SGCZ: variants seen among roughly 807,000 people sequenced by gnomAD.
The protein encoded by SGCZ is sarcoglycan zeta.
SGCZ carries 40 observed loss-of-function variants against 41.3 expected under a neutral mutation model. That is an observed-to-expected ratio of 0.97 (90% CI 0.75 to 1.26). The LOEUF (loss-of-function observed/expected upper bound fraction) is 1.26. SGCZ is among the 50% of genes most tolerant of loss of function. SGCZ has a pLI of 0.00. For missense variants in SGCZ, 552 were observed against 369.8 expected (o/e 1.49, Z -4.04); for synonymous variants, 206 against 137.5 (o/e 1.50, Z -3.49).
chr8:14,532,245 G>GA (rs34660083), intron 2 of SGCZ, among the ~76,000 whole-genome samples: 5 of 151,214 alleles, frequency 3.3e-5, no homozygotes, highest in Admixed American at 6.6e-5. Context: ...CCCAGAATCT[G>GA]AAAAAAAAAT....
chr8:14,389,558 T>A (rs1015707701), intron 2 of SGCZ, among the ~76,000 whole-genome samples: 2 of 151,260 alleles, frequency 1.3e-5, no homozygotes, highest in South Asian at 2.1e-4. Context: ...ACGGAATGTA[T>A]CAAACCTGAA....
chr8:14,901,396 T>G (rs1447695991), intron 1 of SGCZ, among the ~76,000 whole-genome samples: 1 of 152,182 alleles, frequency 6.6e-6, no homozygotes, highest in East Asian at 1.9e-4. Context: ...AGTTTGGACC[T>G]GGCCAATGTA....
intron 1 of SGCZ, among the ~76,000 whole-genome samples, chr8:15,159,597 T>C (rs1447412679): frequency 6.6e-6 from 1 of 152,128 alleles, no homozygotes; most frequent in East Asian, 1.9e-4. Flanking sequence ...GCTTGCCTGG[T>C]GTGTGGGCAA....
chr8:14,253,780 A>G (rs1362919218), intron 3 of SGCZ, among the ~76,000 whole-genome samples: 1 of 152,148 alleles, frequency 6.6e-6, no homozygotes, highest in Non-Finnish European at 1.5e-5. Context: ...AAAACAGTAG[A>G]AACAACTAGA....
chr8:14,354,442 G>C (rs1803217637), intron 2 of SGCZ, among the ~76,000 whole-genome samples: 1 of 151,472 alleles, frequency 6.6e-6, no homozygotes, highest in African/African-American at 2.4e-5. Flanking sequence ...AGGAAAAGTG[G>C]GTAAAATACA....
chr8:14,899,810 T>C (rs1232345149), intron 1 of SGCZ, among the ~76,000 whole-genome samples: 1 of 146,496 alleles, frequency 6.8e-6, no homozygotes, highest in Non-Finnish European at 1.5e-5. Context: ...GGGAGAAAAG[T>C]GAAAAGAAAG....
intron 3 of SGCZ, among the ~76,000 whole-genome samples, chr8:14,262,280 T>C (rs889032905): frequency 1.3e-5 from 2 of 152,188 alleles, no homozygotes; most frequent in African/African-American, 4.8e-5. Flanking sequence ...CACGTTTTAA[T>C]AGGTAAACTG....
intron 1 of SGCZ, among the ~76,000 whole-genome samples, chr8:14,685,367 T>C (rs1808579590): frequency 6.6e-6 from 1 of 152,142 alleles, no homozygotes; most frequent in Admixed American, 6.6e-5. Context: ...GAAGTCTAGC[T>C]TGAGCTATTA....
chr8:15,134,115 A>G (rs1296112520), intron 1 of SGCZ, among the ~76,000 whole-genome samples: 2 of 152,154 alleles, frequency 1.3e-5, no homozygotes, highest in Admixed American at 6.5e-5. Flanking sequence ...TTATAAGGCT[A>G]TTTAATAAAT....
chr8:14,203,567 C>T (rs1805524031), intron 4 of SGCZ, among the ~76,000 whole-genome samples: 1 of 151,826 alleles, frequency 6.6e-6, no homozygotes, highest in South Asian at 2.1e-4. Flanking sequence ...ATTTTCTTGC[C>T]AGAGTTTGAG....
At chr8:14,630,288 G>A (rs1297455896) in intron 1 of SGCZ, among the ~76,000 whole-genome samples, 1 of 151,160 alleles carries the variant, frequency 6.6e-6, no homozygotes, top group Non-Finnish European at 1.5e-5. Context: ...TGTCTGCTCT[G>A]TGGAAAAATG....
intron 7 of SGCZ, among the ~76,000 whole-genome samples, chr8:14,096,130 C>T (rs1801838507): frequency 6.6e-6 from 1 of 152,144 alleles, no homozygotes; most frequent in Non-Finnish European, 1.5e-5. Flanking sequence ...GCCAGATCTT[C>T]CAATACTATG....
chr8:14,866,952 T>C (rs1250554781), intron 1 of SGCZ, among the ~76,000 whole-genome samples: 1 of 152,126 alleles, frequency 6.6e-6, no homozygotes, highest in Non-Finnish European at 1.5e-5. Context: ...GTTTTGTTTG[T>C]TTGTTTTGTT....
chr8:14,808,967 A>C (rs1801648273), intron 1 of SGCZ, among the ~76,000 whole-genome samples: 3 of 151,270 alleles, frequency 2.0e-5, no homozygotes, highest in Non-Finnish European at 4.4e-5. Context: ...ATTCTCAGTA[A>C]ACTATCGCAA....
At chr8:15,107,158 T>C (rs951547608) in intron 1 of SGCZ, among the ~76,000 whole-genome samples, 36 of 152,290 alleles carry the variant, frequency 2.4e-4, no homozygotes, top group African/African-American at 7.7e-4. Context: ...TAGTTTGTCA[T>C]TTTATGTCAA....
rs1801526097 is a variant in SGCZ at position 14,086,482 on chromosome 8, A to G, written c.*3961T>C. ...AATATGTAGGAATTTTGAATGGAAT[A>G]AAACAGTTCAGCAATTAACCTCTGT... On this transcript the variant is annotated 3_prime_UTR_variant, in exon 8 of 8. Transcript: ENST00000382080. 6.6e-6 allele frequency among the ~76,000 whole-genome samples: 1 copy of G among 151,732 alleles called. No individual in the cohort carries two copies. The highest frequency in any genetic ancestry group is 2.4e-5 in the African/African-American group (1 of 41,414).
intron 2 of SGCZ, among the ~76,000 whole-genome samples, chr8:14,456,137 G>A (rs564534046): frequency 3.3e-4 from 50 of 152,198 alleles, no homozygotes; most frequent in African/African-American, 1.2e-3. Flanking sequence ...GGACACGCAC[G>A]GTGGCTCACA....
At chr8:14,533,179 C>G (rs1415356272) in intron 2 of SGCZ, among the ~76,000 whole-genome samples, 1 of 151,090 alleles carries the variant, frequency 6.6e-6, no homozygotes, top group Non-Finnish European at 1.5e-5. Context: ...GGTGTGTTGT[C>G]TTCCCCACCC....
At chr8:14,924,091 C>T (rs1799671556) in intron 1 of SGCZ, among the ~76,000 whole-genome samples, 1 of 152,198 alleles carries the variant, frequency 6.6e-6, no homozygotes. Context: ...AAGCCACTCG[C>T]ACCTGCATAA....
Sources: allele counts gnomAD v4.1 joint callset (sites outside exome capture counted in the v4.1 genomes callset), GRCh38; gene constraint gnomAD v4.1.1; transcripts MANE v1.5; gene names NCBI Gene and HGNC (gene_info 2026-07-23, HGNC 2026-07-21).